Variants in SKA2 observed in about 807,000 individuals in gnomAD.
SKA2 encodes the protein spindle and kinetochore-associated protein 2.
Under a neutral mutation model 16.9 loss-of-function variants are expected in SKA2, and 13 were observed. The observed-to-expected ratio is 0.77, with a 90% CI of 0.50 to 1.22. The LOEUF is 1.22. Among genes scored for constraint, SKA2 ranks in the 50% most tolerant of loss-of-function variants. SKA2 has a pLI of 0.00. For missense variants in SKA2, 107 were observed against 139.7 expected (o/e 0.77, Z 1.18); for synonymous variants, 47 against 48.5 (o/e 0.97, Z 0.13).
intron 3 of SKA2, among the ~76,000 whole-genome samples, chr17:59,118,620 G>A (rs2056065127): frequency 6.6e-6 from 1 of 152,144 alleles, no homozygotes; most frequent in African/African-American, 2.4e-5. Context: ...TTACTAGCAT[G>A]TGACACAACC....
chr17:59,121,377 G>A (rs572468723), intron 2 of SKA2, among the ~76,000 whole-genome samples: 2 of 152,174 alleles, frequency 1.3e-5, no homozygotes, highest in African/African-American at 4.8e-5. Context: ...CAGAAATGCC[G>A]GGCGCAGTGG....
chr17:59,147,202 C>A (rs73319273), intron 1 of SKA2, among the ~76,000 whole-genome samples: 3,398 of 151,954 alleles, frequency 0.022, 149 homozygotes, highest in African/African-American at 0.076. Context: ...AACCCCTTGG[C>A]CCCTCCTCTA....
At chr17:59,148,592 A>AATTTTTCT (rs1479422816) in intron 1 of SKA2, among the ~76,000 whole-genome samples, 4 of 151,668 alleles carry the variant, frequency 2.6e-5, no homozygotes, top group Admixed American at 1.3e-4. Flanking sequence ...CCAATTTTTC[A>AATTTTTCT]ATTTTTCTGT....
rs57098353 is a variant in SKA2 at position 59,147,377 on chromosome 17, G to GACACACACACACACACACAC, written c.33+7734_33+7753dup. Among the ~76,000 whole-genome samples, 529 of 138,202 alleles carry GACACACACACACACACACAC rather than the reference G, an allele frequency of 3.8e-3. 6 individuals carry two copies. Among genetic ancestry groups the GACACACACACACACACACAC allele is most frequent in the African/African-American group, 8.9e-3 (327 of 36,600 alleles). The allele number at this position is 138,202 out of a possible 152,430, so 90.7% of individuals were successfully genotyped here. ...ACTAAGAAAGAAATTTTATATATAA[G>GACACACACACACACACACAC]ACACACACACACACACACACACACA... On this transcript the variant is annotated intron_variant, in intron 1 of 3. Coordinates refer to ENST00000330137, the MANE Select transcript of SKA2 (RefSeq NM_182620.4).
chr17:59,151,628 G>A (rs972912148), intron 1 of SKA2: 2 of 169,950 alleles, frequency 1.2e-5, no homozygotes, highest in Non-Finnish European at 2.5e-5. Flanking sequence ...CTGATTAAAC[G>A]CCATGTAAAA....
intron 3 of SKA2, among the ~76,000 whole-genome samples, chr17:59,117,760 C>T (rs2046306676): frequency 2.0e-5 from 3 of 152,048 alleles, no homozygotes; most frequent in Admixed American, 2.0e-4. Context: ...GTACAAGACT[C>T]ACTATATCCA....
chr17:59,115,977 A>G (rs2046293499), intron 3 of SKA2, among the ~76,000 whole-genome samples: 1 of 152,012 alleles, frequency 6.6e-6, no homozygotes. Context: ...TTATTATTAT[A>G]TATGTTTTGG....
rs556867819 is a variant in SKA2 at position 59,121,159 on chromosome 17, A to G, written c.121-1664T>C. 7.6e-4 allele frequency among the ~76,000 whole-genome samples: 116 copies of G among 151,864 alleles called. 1 individual carries two copies. Among genetic ancestry groups the G allele is most frequent in the Admixed American group, 1.2e-3 (18 of 15,250 alleles). ...TGAGGGAGACTCCGTCTCAAAAAAA[A>G]AAAAAAAAGAAAAAGGGTTAAAGGG... On this transcript the variant is annotated intron_variant, in intron 2 of 3. Transcript: ENST00000330137.
intron 3 of SKA2, among the ~76,000 whole-genome samples, chr17:59,112,939 G>A (rs781225210): frequency 6.6e-6 from 1 of 151,848 alleles, no homozygotes; most frequent in South Asian, 2.1e-4. Flanking sequence ...TTTTTGAAAC[G>A]GGGTCACTCT....
At chr17:59,153,324 GT>G (rs963606173) in intron 1 of SKA2, among the ~76,000 whole-genome samples, 148 of 151,866 alleles carry the variant, frequency 9.7e-4, no homozygotes, top group African/African-American at 3.4e-3. Flanking sequence ...TTAACATTTT[GT>G]TTTTTTTAAA....
chr17:59,136,777 G>A (rs1217125231), intron 1 of SKA2, among the ~76,000 whole-genome samples: 1 of 152,058 alleles, frequency 6.6e-6, no homozygotes, highest in East Asian at 1.9e-4. Context: ...TTGATCTCCT[G>A]ACCTTGTGAT....
chr17:59,110,622 C>A lies in SKA2; in HGVS notation c.*1655G>T, dbSNP rs142195250. 8.5e-4 allele frequency: 129 copies of A among 152,170 alleles called. 5 individuals carry two copies. The East Asian group carries it at 0.024, about 29-fold the overall frequency. The allele number at this position is 152,170 out of a possible 1,614,324, so 9.4% of individuals were successfully genotyped here. A position where few individuals can be genotyped will look rare whatever the true frequency, so the allele number is the denominator to read the frequency against. ...TGGTCAAGATGGTGAAGCCCCATCT[C>A]TACTAAAAATACAAAAAAATAGCCG... is the stretch of plus-strand genomic sequence containing the variant. On this transcript the variant is annotated 3_prime_UTR_variant, in exon 4 of 4. Coordinates refer to ENST00000330137, the MANE Select transcript of SKA2 (RefSeq NM_182620.4).
chr17:59,125,818 G>A (rs1219799774), intron 2 of SKA2, among the ~76,000 whole-genome samples: 3 of 152,058 alleles, frequency 2.0e-5, no homozygotes, highest in Non-Finnish European at 4.4e-5. Context: ...AGAAACAAAA[G>A]GAAATGAATT....
intron 1 of SKA2, among the ~76,000 whole-genome samples, chr17:59,154,031 A>T (rs113221217): frequency 0.022 from 3,403 of 151,990 alleles, 146 homozygotes; most frequent in African/African-American, 0.076. Flanking sequence ...CGGCCTCCCA[A>T]AGTGCCGGGA....
At chr17:59,124,450 T>A (rs911042829) in intron 2 of SKA2, 10 of 151,772 alleles carry the variant, frequency 6.6e-5, no homozygotes, top group Admixed American at 2.6e-4. Flanking sequence ...AAAAAAAGTT[T>A]AACATTGGGA....
intron 1 of SKA2, chr17:59,137,826 C>T (rs1370704624): frequency 1.9e-6 from 1 of 530,272 alleles, no homozygotes; most frequent in Non-Finnish European, 3.9e-6. Context: ...ACTATTTACA[C>T]AGCAGAGACA....
At chr17:59,117,851 G>C (rs900569992) in intron 3 of SKA2, 1 of 152,058 alleles carries the variant, frequency 6.6e-6, no homozygotes, top group Non-Finnish European at 1.5e-5. Context: ...CATTCTTCTT[G>C]TTTGCCATAA....
intron 1 of SKA2, among the ~76,000 whole-genome samples, chr17:59,146,441 G>A (rs1489244857): frequency 6.6e-6 from 1 of 152,172 alleles, no homozygotes; most frequent in Non-Finnish European, 1.5e-5. Flanking sequence ...GGAGGTTGCA[G>A]TGAGCCAAGA....
intron 1 of SKA2, among the ~76,000 whole-genome samples, chr17:59,132,712 T>C (rs904295073): frequency 1.3e-5 from 2 of 152,348 alleles, no homozygotes; most frequent in African/African-American, 4.8e-5. Flanking sequence ...CATGCCATTA[T>C]TGAAAACGAT....
Sources: gnomAD v4.1 joint callset for allele counts (sites outside exome capture counted in the v4.1 genomes callset) on GRCh38, gnomAD v4.1.1 for gene constraint, MANE v1.5 for transcripts, NCBI Gene and HGNC (gene_info 2026-07-23, HGNC 2026-07-21) for gene names.